MACF1: variants seen among roughly 807,000 people sequenced by gnomAD.
MACF1 encodes the protein microtubule-actin cross-linking factor 1.
A neutral mutation model predicts 854.8 loss-of-function variants in MACF1; 193 were observed. That is an observed-to-expected ratio of 0.23 (90% CI 0.20 to 0.25). The LOEUF is 0.25. Ranked by LOEUF, MACF1 falls within the 10% of genes least tolerant of loss-of-function variation. MACF1 has a pLI of 1.00. For missense variants in MACF1, 7,722 were observed against 8,929.1 expected (o/e 0.86, Z 5.45); for synonymous variants, 3,185 against 3,226.7 (o/e 0.99, Z 0.44).
intron 78 of MACF1, 132 bp downstream of exon 78, chr1:39,443,043 G>C (rs926622776): frequency 3.5e-6 from 3 of 845,332 alleles, no homozygotes; most frequent in Admixed American, 2.7e-5. Context: ...ATACTGTGCT[G>C]TAACTTATCT....
intron 1 of MACF1, among the ~76,000 whole-genome samples, chr1:39,218,332 C>G (rs1352220083): frequency 6.6e-6 from 1 of 151,950 alleles, no homozygotes; most frequent in African/African-American, 2.4e-5. Flanking sequence ...GGACAAATGC[C>G]TAATTTTATA....
chr1:39,362,971 T>G (rs964622072), intron 49 of MACF1, among the ~76,000 whole-genome samples: 4 of 152,246 alleles, frequency 2.6e-5, no homozygotes, highest in African/African-American at 9.6e-5. Flanking sequence ...ATATATTTAC[T>G]TATTTGTTTT....
chr1:39,229,594 G>A (rs932757795), intron 1 of MACF1, among the ~76,000 whole-genome samples: 7 of 152,150 alleles, frequency 4.6e-5, no homozygotes, highest in Non-Finnish European at 7.3e-5. Flanking sequence ...CAAGCAGCGG[G>A]CAGTTATGGT....
At chr1:39,244,118 T>TG (rs976250588) in intron 2 of MACF1, among the ~76,000 whole-genome samples, 24 of 151,974 alleles carry the variant, frequency 1.6e-4, no homozygotes, top group African/African-American at 4.3e-4. Context: ...AAATTTTTTT[T>TG]GGGGGGGACA....
At chr1:39,109,928 A>G (rs1237261035) in intron 2 of MACF1, among the ~76,000 whole-genome samples, 2 of 152,216 alleles carry the variant, frequency 1.3e-5, no homozygotes, top group Non-Finnish European at 2.9e-5. Flanking sequence ...AGTGACATAC[A>G]TTTCCAGATC....
At position 39,378,522 on chromosome 1, in the gene MACF1, A is replaced by G; in HGVS notation, c.13275A>G (p.Lys4425=). ...GTGTAAACGGATACCACACCTGCAA[A>G]GGTGAGAATGCCATTTCAACAGTGC... is the stretch of plus-strand genomic sequence containing the variant. ...VGSVNGYHTC[K]DLTEIQCDMS... The change falls in exon 53 of 101, where the codon AAA becomes AAG. Residue 4425 remains lysine (K), a splice_region_variant and synonymous_variant. Coordinates refer to ENST00000564288, the MANE Select transcript of MACF1 (RefSeq NM_001394062.1). 6.2e-7 allele frequency: 1 copy of G among 1,613,584 alleles called. No homozygotes were observed. The highest frequency in any genetic ancestry group is 8.5e-7 in the Non-Finnish European group (1 of 1,179,520).
In MACF1 at chr1:39,283,138, T is replaced by C. The variant is rs776986015; in HGVS notation, c.696-51T>C. ...AGGAGGTTTTCTTTGTGTAAACTCA[T>C]GTGTGATGTGTAGATGGTGGCGTTT... On this transcript the variant is annotated intron_variant, in intron 7 of 100. Transcript: ENST00000564288. The surrounding 1 kb of genome is among the most constrained non-coding windows in gnomAD (Gnocchi z 4.5). 22 of 1,127,664 alleles carry C rather than the reference T, an allele frequency of 2.0e-5. No homozygotes were observed. The highest frequency in any genetic ancestry group is 2.8e-5 in the Non-Finnish European group (21 of 741,640). 69.9% of individuals were successfully genotyped at this position (1,127,664 alleles called of 1,614,324 possible). A position where few individuals can be genotyped will look rare whatever the true frequency, so the allele number is the denominator to read the frequency against.
intron 2 of MACF1, among the ~76,000 whole-genome samples, chr1:39,096,183 CAAAA>C (rs35710100): frequency 1.7e-5 from 2 of 117,426 alleles, no homozygotes; most frequent in Admixed American, 8.5e-5. Flanking sequence ...GACCCTGTCT[CAAAA>C]AAAAAAAAAA....
intron 82 of MACF1, 55 bp from the exon 83 acceptor site, chr1:39,447,978 G>C: frequency 3.7e-6 from 6 of 1,611,146 alleles, no homozygotes; most frequent in African/African-American, 1.3e-5. Flanking sequence ...ATTCTCAAAC[G>C]TGCTGTATAG....
chr1:39,131,267 G>T (rs1294750333), intron 2 of MACF1, among the ~76,000 whole-genome samples: 1 of 145,062 alleles, frequency 6.9e-6, no homozygotes, highest in East Asian at 2.1e-4. Flanking sequence ...GGGCTAAAGC[G>T]ATCCTCCTGC....
intron 2 of MACF1, among the ~76,000 whole-genome samples, chr1:39,111,406 G>A (rs530988686): frequency 4.8e-4 from 73 of 150,758 alleles, no homozygotes; most frequent in Non-Finnish European, 9.6e-4. Context: ...TTTTGGAGAC[G>A]GAGTCTCACT....
At position 39,283,219 on chromosome 1, in the gene MACF1, A is replaced by T; in HGVS notation, c.726A>T (p.Gln242His). The change falls in exon 8 of 101, where the codon CAA becomes CAT. Residue 242 changes from glutamine (Q) to histidine (H), a missense_variant. This residue lies in a region of MACF1 where 108 missense variants were observed against 196.4 expected (regional missense o/e 0.55). Coordinates refer to ENST00000564288, the MANE Select transcript of MACF1 (RefSeq NM_001394062.1). The surrounding 1 kb of genome is among the most constrained non-coding windows in gnomAD (Gnocchi z 4.5). Reference sequence around the variant, plus strand: ...ATCTAGTAGACATGGAGAGGGTGCAAATCCAAAGTAACCGAGAGAATCTGG... The same window carrying T: ...ATCTAGTAGACATGGAGAGGGTGCATATCCAAAGTAACCGAGAGAATCTGG... ...RPDLVDMERV[Q>H]IQSNRENLEQ... The T allele has an allele frequency of 6.2e-7, 1 of 1,613,860 alleles. No homozygotes were observed. Among genetic ancestry groups the T allele is most frequent in the Non-Finnish European group, 8.5e-7 (1 of 1,179,820 alleles).
intron 1 of MACF1, among the ~76,000 whole-genome samples, chr1:39,210,389 A>G (rs763941971): frequency 7.2e-5 from 11 of 152,042 alleles, no homozygotes; most frequent in Non-Finnish European, 1.3e-4. Context: ...TAAAAAAAAA[A>G]AAGAGACGAG....
chr1:39,463,550 T>C, intron 93 of MACF1, 62 bp from the exon 94 acceptor site: 1 of 1,210,364 alleles, frequency 8.3e-7, no homozygotes, highest in Non-Finnish European at 1.2e-6. Flanking sequence ...AAAATCTTTG[T>C]TTCTCTGAAT....
At chr1:39,459,475 G>C (rs891418352) in intron 91 of MACF1, among the ~76,000 whole-genome samples, 1 of 152,188 alleles carries the variant, frequency 6.6e-6, no homozygotes, top group Non-Finnish European at 1.5e-5. Flanking sequence ...TCTAGGTGTG[G>C]AAAGCAAGAA....
intron 92 of MACF1, 81 bp from the exon 93 acceptor site, chr1:39,461,802 A>T: frequency 1.1e-6 from 1 of 872,040 alleles, no homozygotes; most frequent in Non-Finnish European, 1.6e-6. Flanking sequence ...AAAAAAAAAA[A>T]AAAAAAAAAA....
intron 2 of MACF1, among the ~76,000 whole-genome samples, chr1:39,174,740 C>T (rs147564411): frequency 1.0e-3 from 153 of 152,238 alleles, no homozygotes; most frequent in African/African-American, 3.5e-3. Flanking sequence ...CCCAGGAAAG[C>T]TTGAACCAAG....
chr1:39,364,066 G>A (rs1218102438), intron 49 of MACF1, among the ~76,000 whole-genome samples: 2 of 152,134 alleles, frequency 1.3e-5, no homozygotes, highest in African/African-American at 4.8e-5. Flanking sequence ...GTAAATACAT[G>A]TATAGTTTTG....
chr1:39,360,561 G>A (rs1648097324), intron 47 of MACF1, among the ~76,000 whole-genome samples: 1 of 151,640 alleles, frequency 6.6e-6, no homozygotes, highest in Admixed American at 6.6e-5. Context: ...GTAGGACTGG[G>A]CATGGTGGCT....
Sources: gnomAD v4.1 joint callset for allele counts (sites outside exome capture counted in the v4.1 genomes callset) on GRCh38, gnomAD v4.1.1 for gene constraint, gnomAD v4.1.1 regional missense constraint, Gnocchi (gnomAD v3.1) non-coding constraint, MANE v1.5 for transcripts, NCBI Gene and HGNC (gene_info 2026-07-23, HGNC 2026-07-21) for gene names.